The following NEMF variants were observed in gnomAD, a reference collection of about 807,000 sequenced individuals.
NEMF encodes nuclear export mediator factor.
A neutral mutation model predicts 162.2 loss-of-function variants in NEMF; 89 were observed. That is an observed-to-expected ratio of 0.55 (90% CI 0.46 to 0.65). NEMF has a LOEUF of 0.65. Among genes scored for constraint, NEMF ranks in the 30% least tolerant of loss-of-function variants. The pLI is 0.00. For missense variants in NEMF, 1,133 were observed against 1,261.9 expected (o/e 0.90, Z 1.55); for synonymous variants, 421 against 404.5 (o/e 1.04, Z -0.49).
Position 49,837,833 on chromosome 14 carries a change from AC to A in NEMF, c.574+305del, listed in dbSNP as rs1333880774. On this transcript the variant is annotated intron_variant, in intron 6 of 32. Coordinates refer to ENST00000298310, the MANE Select transcript of NEMF (RefSeq NM_004713.6). ...CACCAATTAAAAAAAAAAAAAAAAA[AC>A]CAAAAAAAAACTAAGCTAAGTGGTT... Among the ~76,000 whole-genome samples the A allele has an allele frequency of 8.5e-3, 1,149 of 134,638 alleles. 11 individuals are homozygous for A. Among genetic ancestry groups the A allele is most frequent in the African/African-American group, 0.028 (1,042 of 36,916 alleles). The allele number at this position is 134,638 out of a possible 152,430, so 88.3% of individuals were successfully genotyped here.
At chr14:49,848,039 A>G (rs998854434) in intron 3 of NEMF, among the ~76,000 whole-genome samples, 9 of 151,510 alleles carry the variant, frequency 5.9e-5, no homozygotes, top group Non-Finnish European at 1.3e-4. Context: ...CTCAAAAAAA[A>G]AAAAAAAAAA....
chr14:49,831,990 T>G, intron 10 of NEMF, 61 bp downstream of exon 10: 1 of 1,103,084 alleles, frequency 9.1e-7, no homozygotes, highest in South Asian at 1.6e-5. Context: ...TAGAAGCAAG[T>G]TGATATCAAC....
At chr14:49,806,190 G>A (rs1891180218) in intron 18 of NEMF, 57 bp from the exon 19 acceptor site, 2 of 1,116,110 alleles carry the variant, frequency 1.8e-6, no homozygotes, top group Non-Finnish European at 1.3e-6. Flanking sequence ...TCCAGAGCAA[G>A]ATATGAAAAT....
intron 6 of NEMF, among the ~76,000 whole-genome samples, chr14:49,835,382 T>C (rs891175518): frequency 6.6e-6 from 1 of 152,158 alleles, no homozygotes; most frequent in Non-Finnish European, 1.5e-5. Flanking sequence ...TTGGTTAATA[T>C]AATACTCCAT....
intron 16 of NEMF, among the ~76,000 whole-genome samples, chr14:49,823,996 C>T (rs916114301): frequency 2.0e-5 from 3 of 151,632 alleles, no homozygotes; most frequent in South Asian, 2.1e-4. Flanking sequence ...ATGGCAGAAA[C>T]CCTTCTCTAC....
chr14:49,825,423 C>G (rs2139950687), intron 16 of NEMF, among the ~76,000 whole-genome samples: 1 of 152,202 alleles, frequency 6.6e-6, no homozygotes, highest in Middle Eastern at 3.4e-3. Flanking sequence ...CTTCGGAGAG[C>G]AGGCAATAGG....
rs768145574 is a variant in NEMF, at chr14:49,851,592, T to G, written c.202A>C (p.Asn68His). ...IHTTEFEWPKNMMPSSFAMKC... is the reference protein window; with the variant it reads ...IHTTEFEWPKHMMPSSFAMKC... ...ATGGCAAAACTAGACGGCATCATAT[T>G]CTTAGGCCACTCAAATTCTGTTGTA... is the stretch of plus-strand genomic sequence containing the variant. The change falls in exon 3 of 33, where the codon AAT (asparagine) becomes CAT (histidine). Residue 68 changes from asparagine to histidine, a missense_variant. By Grantham distance (68) the Asn-to-His change is moderately conservative. Around this residue, in one of 3 missense-constraint regions of NEMF, gnomAD observed 582 missense variants for 631.5 expected, o/e 0.92. Coordinates refer to ENST00000298310, the MANE Select transcript of NEMF (RefSeq NM_004713.6). 6.2e-7 allele frequency: 1 copy of G among 1,613,808 alleles called. No individual in the cohort carries two copies. The highest frequency in any genetic ancestry group is 1.1e-5 in the South Asian group (1 of 91,084).
Position 49,818,124 on chromosome 14 carries a change from G to A in NEMF, c.1578-3267C>T, listed in dbSNP as rs1891811306. ...TTTTTCCGAGACAGAGTCTCGCACT[G>A]TCACCCAGACTGGAGTGCAGTGGCC... On this transcript the variant is annotated intron_variant, in intron 16 of 32. Coordinates refer to ENST00000298310, the MANE Select transcript of NEMF (RefSeq NM_004713.6). Among the ~76,000 whole-genome samples, 3 of 140,858 alleles carry A rather than the reference G, an allele frequency of 2.1e-5. No homozygotes were observed. In the Admixed American group the frequency reaches 2.4e-4, roughly 11 times the overall value. 92.4% of individuals were successfully genotyped at this position (140,858 alleles called of 152,430 possible). A position where few individuals can be genotyped will look rare whatever the true frequency, so the allele number is the denominator to read the frequency against.
intron 6 of NEMF, 114 bp from the exon 7 acceptor site, chr14:49,834,563 T>C: frequency 1.5e-6 from 1 of 657,334 alleles, no homozygotes; most frequent in Non-Finnish European, 2.6e-6. Flanking sequence ...GGTGCAATCT[T>C]GGCTCACTGC....
rs768526186 is a variant in NEMF, at chr14:49,800,616, G to C, written c.2176C>G (p.Gln726Glu). The C allele has an allele frequency of 6.2e-7, 1 of 1,613,588 alleles. No homozygotes were observed. The highest frequency in any genetic ancestry group is 1.3e-5 in the African/African-American group (1 of 74,828). The stretch of plus-strand genomic sequence containing the variant: ...CCACTCTGAAGAGTGATATCCTCTT[G>C]GTCAACCTGAGTCATGAGTTCTACT... ...VEVELMTQVD[Q>E]EDITLQSGRD... The change falls in exon 23 of 33, where the codon CAA becomes GAA. Residue 726 changes from glutamine to glutamate, a missense_variant. This residue lies in a region of NEMF where 532 missense variants were observed against 578.6 expected (regional missense o/e 0.92). Transcript: ENST00000298310.
intron 16 of NEMF, among the ~76,000 whole-genome samples, chr14:49,817,869 T>G (rs1449302195): frequency 2.0e-5 from 3 of 152,182 alleles, no homozygotes; most frequent in Admixed American, 1.3e-4. Flanking sequence ...GTGAATTTCA[T>G]CAGCTATTTA....
At chr14:49,811,729 T>C (rs6572620) in intron 18 of NEMF, among the ~76,000 whole-genome samples, 24,777 of 152,158 alleles carry the variant, frequency 0.16, 2,339 homozygotes, top group Non-Finnish European at 0.21. Flanking sequence ...CCTTTATTAG[T>C]AGATTATATT....
chr14:49,844,295 C>A (rs1294799972), intron 4 of NEMF, among the ~76,000 whole-genome samples: 2 of 152,078 alleles, frequency 1.3e-5, no homozygotes, highest in African/African-American at 2.4e-5. Context: ...CTTGCATGCA[C>A]AGTTCACAAT....
Position 49,832,076 on chromosome 14 carries a change from T to C in NEMF, c.857A>G (p.Tyr286Cys). The change falls in exon 10 of 33, where the codon TAT becomes TGT. Residue 286 changes from tyrosine (Y) to cysteine (C), a missense_variant. Tyr to Cys is a radical substitution (Grantham distance 194, BLOSUM62 -2). Around this residue, in one of 3 missense-constraint regions of NEMF, gnomAD observed 582 missense variants for 631.5 expected, o/e 0.92. Coordinates refer to ENST00000298310, the MANE Select transcript of NEMF (RefSeq NM_004713.6). ...FLFSQHSQCP[Y>C]IEFESFDKAV... ...CTTGTCAAATGATTCAAATTCTATA[T>C]ATGGACATTGTGAATGTTGAGAAAA... 1.2e-6 allele frequency: 2 copies of C among 1,607,206 alleles called. No homozygotes were observed. The highest frequency in any genetic ancestry group is 1.7e-6 in the Non-Finnish European group (2 of 1,177,726).
chr14:49,831,294 C>T lies in NEMF; in HGVS notation c.945+5G>A. The T allele has an allele frequency of 6.6e-7, 1 of 1,504,476 alleles. No individual in the cohort carries two copies. The highest frequency in any genetic ancestry group is 1.4e-5 in the African/African-American group (1 of 72,806). 93.2% of individuals were successfully genotyped at this position (1,504,476 alleles called of 1,614,324 possible). On this transcript the variant is annotated splice_donor_5th_base_variant and intron_variant, in intron 11 of 32. Coordinates refer to ENST00000298310, the MANE Select transcript of NEMF (RefSeq NM_004713.6). ...GGTTTAATATGTGTTTTTAATAATA[C>T]ATACCTGTTGTAAAGCTTTTAAGTC...
At chr14:49,822,572 G>A (rs1377765983) in intron 16 of NEMF, among the ~76,000 whole-genome samples, 1 of 142,378 alleles carries the variant, frequency 7.0e-6, no homozygotes, top group Non-Finnish European at 1.5e-5. Flanking sequence ...GCTTTTATCT[G>A]TAATCCCAGC....
chr14:49,799,127 G>C (rs1890828014), intron 25 of NEMF, among the ~76,000 whole-genome samples: 1 of 145,802 alleles, frequency 6.9e-6, no homozygotes, highest in Admixed American at 7.1e-5. Context: ...GAGACTGCCT[G>C]AGCCTGGGAG....
chr14:49,800,233 T>C (rs898138522), intron 23 of NEMF, among the ~76,000 whole-genome samples, 187 bp downstream of exon 23: 2 of 152,152 alleles, frequency 1.3e-5, no homozygotes, highest in Non-Finnish European at 2.9e-5. Flanking sequence ...CCACTCTATA[T>C]GCACTGTATT....
intron 10 of NEMF, 115 bp from the exon 11 acceptor site, chr14:49,831,476 T>A: frequency 1.5e-6 from 1 of 679,020 alleles, no homozygotes; most frequent in Non-Finnish European, 2.6e-6. Context: ...CTCACTCTGT[T>A]GCCCAGGCGG....
Sources: gnomAD v4.1 joint callset for allele counts (sites outside exome capture counted in the v4.1 genomes callset) on GRCh38, gnomAD v4.1.1 for gene constraint, gnomAD v4.1.1 regional missense constraint, MANE v1.5 for transcripts, NCBI Gene and HGNC (gene_info 2026-07-23, HGNC 2026-07-21) for gene names.